B9D2: variants seen among roughly 807,000 people sequenced by gnomAD.
The protein encoded by B9D2 is B9 domain containing 2, also known as B9 domain-containing protein 2.
Under a neutral mutation model 19.2 loss-of-function variants are expected in B9D2, and 21 were observed. The ratio of observed to expected loss-of-function variants is 1.09; its 90% CI spans 0.78 to 1.58. B9D2 has a LOEUF of 1.58. Among genes scored for constraint, B9D2 ranks in the 40% most tolerant of loss-of-function variants. The probability of loss-of-function intolerance (pLI) is 0.00; values close to 1 mark genes in which losing one functional copy is unlikely to be tolerated. For synonymous variants in B9D2, 91 were observed against 100.6 expected (o/e 0.90, Z 0.57); for missense variants, 221 against 244.3 (o/e 0.90, Z 0.64).
chr19:41,363,477 C>T lies in B9D2; in HGVS notation c.43G>A (p.Gly15Ser). 1 of 1,614,112 alleles carries T rather than the reference C, an allele frequency of 6.2e-7. No individual in the cohort carries two copies. The highest frequency in any genetic ancestry group is 8.5e-7 in the Non-Finnish European group (1 of 1,180,026). ...HVIGQIIGAS[G>S]FSESSLFCKW... The stretch of plus-strand genomic sequence containing the variant: ...CAGAAGAGGCTACTTTCCGAGAAAC[C>T]GCTGGCCCCTATGATCTGCCCGATC... Residue 15 changes from glycine (G) to serine (S), a missense_variant, in exon 2 of 4, where the codon GGT (glycine) becomes AGT (serine). Physicochemically the swap from Gly to Ser is moderately conservative, Grantham distance 56 (BLOSUM62 0). Coordinates refer to ENST00000243578, the MANE Select transcript of B9D2 (RefSeq NM_030578.4).
In B9D2 at chr19:41,354,952, T is replaced by C. The variant is rs755771597; in HGVS notation, c.276A>G (p.Ala92=). 1 of 1,611,972 alleles carries C rather than the reference T, an allele frequency of 6.2e-7. No individual in the cohort carries two copies. Among genetic ancestry groups the C allele is most frequent in the African/African-American group, 1.3e-5 (1 of 74,858 alleles). The part of the protein sequence containing the change: ...SQDSFGRCQL[A]GYGFCHVPSS... ...TGGGCACATGGCAAAATCCATAGCC[T>C]GCAAGCTGGCAGCGGCCAAAGCTGT... Residue 92 remains alanine (A), a synonymous_variant, in exon 4 of 4, where the codon GCA becomes GCG. Coordinates refer to ENST00000243578, the MANE Select transcript of B9D2 (RefSeq NM_030578.4).
intron 2 of B9D2, among the ~76,000 whole-genome samples, chr19:41,358,700 A>G (rs757994425): frequency 1.3e-5 from 2 of 152,162 alleles, no homozygotes; most frequent in Admixed American, 6.6e-5. Context: ...GAGGGGTGAT[A>G]ATGATAGCTA....
intron 2 of B9D2, among the ~76,000 whole-genome samples, chr19:41,359,713 AG>A (rs2038373937): frequency 6.6e-6 from 1 of 152,048 alleles, no homozygotes; most frequent in South Asian, 2.1e-4. Context: ...AAAAAAAAAA[AG>A]AAAAGAAAAA....
In B9D2 at chr19:41,358,588, T is replaced by A. The variant is rs553116906; in HGVS notation, c.89-566A>T. Among the ~76,000 whole-genome samples, 3 of 152,248 alleles carry A rather than the reference T, an allele frequency of 2.0e-5. No homozygotes were observed. The South Asian group carries it at 6.2e-4, about 32-fold the overall frequency. On this transcript the variant is annotated intron_variant, in intron 2 of 3. Coordinates refer to ENST00000243578, the MANE Select transcript of B9D2 (RefSeq NM_030578.4). ...AGTCTTCAATATCATTTTATTACGATTCTCACCCCATATTTTCAAGCCTAG... is the reference window on the plus strand; with the variant it reads ...AGTCTTCAATATCATTTTATTACGAATCTCACCCCATATTTTCAAGCCTAG...
rs75024861 is a variant in B9D2, at chr19:41,364,104, C to T, written c.-151G>A. The T allele has an allele frequency of 7.1e-3, 1,164 of 163,760 alleles. 16 individuals are homozygous for T. Among genetic ancestry groups the T allele is most frequent in the African/African-American group, 0.027 (1,116 of 41,654 alleles). 10.1% of individuals were successfully genotyped at this position (163,760 alleles called of 1,614,324 possible). On this transcript the variant is annotated 5_prime_UTR_variant, in exon 1 of 4. Transcript: ENST00000243578. ...GCCTGGCTGCGAGATATGTAAGCCG[C>T]GATACTTCCGCGACCGCGCTCGTCT...
chr19:41,361,814 TCA>T (rs1184389258), intron 2 of B9D2, among the ~76,000 whole-genome samples: 1 of 60,886 alleles, frequency 1.6e-5, no homozygotes, highest in African/African-American at 7.0e-5. Context: ...GCGCAGTGGC[TCA>T]CGCCTGTAAT....
At chr19:41,363,354 T>C (rs1445639539) in intron 2 of B9D2, 78 bp downstream of exon 2, 11 of 1,418,586 alleles carry the variant, frequency 7.8e-6, no homozygotes, top group Admixed American at 3.4e-5. Flanking sequence ...AGAGTCTGCG[T>C]TAAGGGGTGG....
At chr19:41,363,409 A>G (rs367920688) in intron 2 of B9D2, 23 bp downstream of exon 2, 11 of 1,612,832 alleles carry the variant, frequency 6.8e-6, no homozygotes, top group Non-Finnish European at 9.3e-6. Flanking sequence ...TGGTGTGGAA[A>G]TGAACCAGGC....
chr19:41,363,419 C>T lies in B9D2; in HGVS notation c.88+13G>A. The T allele has an allele frequency of 6.2e-7, 1 of 1,613,766 alleles. No homozygotes were observed. On this transcript the variant is annotated intron_variant, in intron 2 of 3. Coordinates refer to ENST00000243578, the MANE Select transcript of B9D2 (RefSeq NM_030578.4). Reference sequence around the variant, plus strand: ...GGTCTTGGTGTGGAAATGAACCAGGCTTGGGGGAATACCTGTGTGAATGCC... The same window carrying T: ...GGTCTTGGTGTGGAAATGAACCAGGTTTGGGGGAATACCTGTGTGAATGCC...
In B9D2 at chr19:41,354,664, G is replaced by T; in HGVS notation, c.*36C>A. 6.2e-7 allele frequency: 1 copy of T among 1,612,944 alleles called. No individual in the cohort carries two copies. The highest frequency in any genetic ancestry group is 1.1e-5 in the South Asian group (1 of 91,028). On this transcript the variant is annotated 3_prime_UTR_variant, in exon 4 of 4. Coordinates refer to ENST00000243578, the MANE Select transcript of B9D2 (RefSeq NM_030578.4). ...ATCCTCCCCCATCACTGGGTGTCCGGGGTGTGGATGGTGGTGACGTTGGAG... is the reference window on the plus strand; with the variant it reads ...ATCCTCCCCCATCACTGGGTGTCCGTGGTGTGGATGGTGGTGACGTTGGAG...
In B9D2 at chr19:41,364,061, G is replaced by A. The variant is rs1599913921; in HGVS notation, c.-108C>T. 1 of 169,258 alleles carries A rather than the reference G, an allele frequency of 5.9e-6. No individual in the cohort carries two copies. Among genetic ancestry groups the A allele is most frequent in the Non-Finnish European group, 1.3e-5 (1 of 76,244 alleles). The allele number at this position is 169,258 out of a possible 1,614,324, so 10.5% of individuals were successfully genotyped here. ...CGCGGGCGCCGACCAGGCCTGGCTC[G>A]CGCCTCTCCCAGGACCCGCCTGGCT... On this transcript the variant is annotated 5_prime_UTR_variant, in exon 1 of 4. Coordinates refer to ENST00000243578, the MANE Select transcript of B9D2 (RefSeq NM_030578.4).
At chr19:41,355,497 C>T (rs760567426) in intron 3 of B9D2, among the ~76,000 whole-genome samples, 17 of 152,308 alleles carry the variant, frequency 1.1e-4, no homozygotes, top group Non-Finnish European at 1.9e-4. Flanking sequence ...TCTAATCCAC[C>T]TTCCACCTGG....
intron 2 of B9D2, among the ~76,000 whole-genome samples, chr19:41,362,109 C>T (rs1294969083): frequency 3.9e-4 from 57 of 144,498 alleles, no homozygotes; most frequent in Non-Finnish European, 7.8e-4. Flanking sequence ...AAGGGCCAGG[C>T]GCAGTGGCTC....
At chr19:41,360,419 C>T (rs1289225706) in intron 2 of B9D2, among the ~76,000 whole-genome samples, 1 of 151,312 alleles carries the variant, frequency 6.6e-6, no homozygotes, top group Non-Finnish European at 1.5e-5. Flanking sequence ...TCAAGTGATC[C>T]TCCTGCTCCA....
chr19:41,355,240 G>C (rs957273247), intron 3 of B9D2, among the ~76,000 whole-genome samples: 46 of 152,248 alleles, frequency 3.0e-4, no homozygotes, highest in African/African-American at 1.1e-3. Context: ...CCCTGCTAAG[G>C]ATCCTTCCAT....
In B9D2 at chr19:41,354,487, T is replaced by A; in HGVS notation, c.*213A>T. The A allele has an allele frequency of 1.5e-6, 1 of 661,768 alleles. No individual in the cohort carries two copies. The allele number at this position is 661,768 out of a possible 1,614,324, so 41.0% of individuals were successfully genotyped here. The stretch of plus-strand genomic sequence containing the variant: ...AGCAGCCTCCTGTCACTCAACACCC[T>A]GCGACCCCATACATTTACTGTCCCC... On this transcript the variant is annotated 3_prime_UTR_variant, in exon 4 of 4. Coordinates refer to ENST00000243578, the MANE Select transcript of B9D2 (RefSeq NM_030578.4).
At chr19:41,356,225 C>T (rs1407230671) in intron 3 of B9D2, among the ~76,000 whole-genome samples, 1 of 152,044 alleles carries the variant, frequency 6.6e-6, no homozygotes. Flanking sequence ...ATGTGGGGTG[C>T]AGACCAGGGG....
chr19:41,363,903 G>A (rs749518549), intron 1 of B9D2, 55 bp downstream of exon 1: 13 of 460,580 alleles, frequency 2.8e-5, no homozygotes, highest in Non-Finnish European at 5.2e-5. Context: ...CATGCGTTAT[G>A]AGTTCAGGTC....
intron 2 of B9D2, among the ~76,000 whole-genome samples, chr19:41,359,149 AG>A (rs1240927512): frequency 1.3e-5 from 2 of 150,792 alleles, no homozygotes; most frequent in Non-Finnish European, 3.0e-5. Context: ...TGAACAAACA[AG>A]CCAGGCGCAG....
Sources: allele counts gnomAD v4.1 joint callset (sites outside exome capture counted in the v4.1 genomes callset), GRCh38; gene constraint gnomAD v4.1.1; transcripts MANE v1.5; gene names NCBI Gene and HGNC (gene_info 2026-07-23, HGNC 2026-07-21).